The following ARHGEF10L variants were observed in gnomAD, a reference collection of about 807,000 sequenced individuals.
ARHGEF10L encodes the protein Rho guanine nucleotide exchange factor 10 like.
In ARHGEF10L, 69 loss-of-function variants were observed where a neutral mutation model predicts 141.2. That is an observed-to-expected ratio of 0.49 (90% CI 0.40 to 0.60). The LOEUF (loss-of-function observed/expected upper bound fraction) is 0.60, where lower values mean the gene tolerates loss of function less well. Among genes scored for constraint, ARHGEF10L ranks in the 20% least tolerant of loss-of-function variants. The pLI is 0.00. For missense variants in ARHGEF10L, 1,482 were observed against 1,734.3 expected (o/e 0.85, Z 2.58); for synonymous variants, 711 against 718.5 (o/e 0.99, Z 0.17).
At chr1:17,587,350 C>A in intron 2 of ARHGEF10L, 110 bp from the exon 3 acceptor site, 1 of 1,116,344 alleles carries the variant, frequency 9.0e-7, no homozygotes, top group African/African-American at 1.6e-5. Flanking sequence ...TTCCCTGGCT[C>A]AGACCTGAGG....
intron 9 of ARHGEF10L, chr1:17,618,354 A>T: frequency 6.5e-7 from 1 of 1,539,922 alleles, no homozygotes; most frequent in East Asian, 2.6e-5. Flanking sequence ...CAGGCCAAGA[A>T]TGTTACCCAG....
chr1:17,549,389 T>A (rs2077031260), intron 1 of ARHGEF10L, among the ~76,000 whole-genome samples: 1 of 152,096 alleles, frequency 6.6e-6, no homozygotes, highest in Non-Finnish European at 1.5e-5. Context: ...AGTAACCACA[T>A]GTTATGCATT....
chr1:17,658,296 A>G (rs1368633568), intron 25 of ARHGEF10L, among the ~76,000 whole-genome samples: 2 of 152,218 alleles, frequency 1.3e-5, no homozygotes, highest in Non-Finnish European at 2.9e-5. Context: ...TGGGACCTCA[A>G]CATACAGATG....
At chr1:17,630,518 G>C (rs2060620517) in intron 15 of ARHGEF10L, among the ~76,000 whole-genome samples, 1 of 152,208 alleles carries the variant, frequency 6.6e-6, no homozygotes. Flanking sequence ...CAGCTGTGGG[G>C]GACCCCAAGT....
chr1:17,661,789 C>G (rs2062645636), intron 25 of ARHGEF10L, among the ~76,000 whole-genome samples: 1 of 152,254 alleles, frequency 6.6e-6, no homozygotes, highest in South Asian at 2.1e-4. Flanking sequence ...TTTCTTGGCT[C>G]CAGCCTCCTG....
At chr1:17,633,338 CTT>C (rs1557880958) in intron 16 of ARHGEF10L, among the ~76,000 whole-genome samples, 1 of 152,102 alleles carries the variant, frequency 6.6e-6, no homozygotes, top group East Asian at 1.9e-4. Flanking sequence ...TTTGACAAGA[CTT>C]TATTTTATTT....
At chr1:17,584,180 G>GTGTATGCT (rs747496289) in intron 2 of ARHGEF10L, among the ~76,000 whole-genome samples, 200 of 152,148 alleles carry the variant, frequency 1.3e-3, no homozygotes, top group Middle Eastern at 3.4e-3. Context: ...AAGTAGCTGG[G>GTGTATGCT]ACTACAGGTG....
chr1:17,563,510 C>T (rs904461922), intron 1 of ARHGEF10L, among the ~76,000 whole-genome samples: 1 of 152,198 alleles, frequency 6.6e-6, no homozygotes, highest in African/African-American at 2.4e-5. Context: ...GCTGGAGTTA[C>T]AGGCATGAGC....
At position 17,634,901 on chromosome 1, in the gene ARHGEF10L, G is replaced by C; in HGVS notation, c.1812G>C (p.Ala604=). The change falls in exon 18 of 29, where the codon GCG becomes GCC. Residue 604 remains alanine (A), a synonymous_variant. Coordinates refer to ENST00000361221, the MANE Select transcript of ARHGEF10L (RefSeq NM_018125.4). ...GPKYVVKWNT[A]LPQVQVVEVG... is the part of the protein sequence containing the mutation. Reference sequence around the variant, plus strand: ...AGTATGTGGTGAAGTGGAACACGGCGCTGCCCCAGGTGCAGGTGGTGGAGG... The same window carrying C: ...AGTATGTGGTGAAGTGGAACACGGCCCTGCCCCAGGTGCAGGTGGTGGAGG... The C allele has an allele frequency of 6.2e-7, 1 of 1,614,086 alleles. No homozygotes were observed. Among genetic ancestry groups the C allele is most frequent in the African/African-American group, 1.3e-5 (1 of 75,030 alleles).
chr1:17,603,410 C>G lies in ARHGEF10L; in HGVS notation c.350-98C>G, dbSNP rs552727040. ...TGGGCTATCAGAAAGGAGGGTGCTG[C>G]GTGCCACCAGCTGGTGCAGTCCTGA... is the stretch of plus-strand genomic sequence containing the variant. On this transcript the variant is annotated intron_variant, in intron 5 of 28. Transcript: ENST00000361221. The surrounding 1 kb of genome is among the most constrained non-coding windows in gnomAD (Gnocchi z 4.8). 1 of 882,168 alleles carries G rather than the reference C, an allele frequency of 1.1e-6. No individual in the cohort carries two copies. Among genetic ancestry groups the G allele is most frequent in the Admixed American group, 2.4e-5 (1 of 42,070 alleles). The allele number at this position is 882,168 out of a possible 1,614,324, so 54.6% of individuals were successfully genotyped here.
chr1:17,582,953 A>G (rs531477554), intron 2 of ARHGEF10L, among the ~76,000 whole-genome samples: 1 of 152,150 alleles, frequency 6.6e-6, no homozygotes, highest in African/African-American at 2.4e-5. Flanking sequence ...CAGGCCAGGC[A>G]CAGTGGCTCA....
chr1:17,682,533 C>A (rs546375790), intron 26 of ARHGEF10L, among the ~76,000 whole-genome samples: 1 of 152,188 alleles, frequency 6.6e-6, no homozygotes, highest in Non-Finnish European at 1.5e-5. Flanking sequence ...CTTTTCTATG[C>A]GGATGTGACT....
chr1:17,564,306 G>A (rs148812457), intron 1 of ARHGEF10L, among the ~76,000 whole-genome samples: 2,825 of 152,314 alleles, frequency 0.019, 38 homozygotes, highest in Middle Eastern at 0.034. Flanking sequence ...TTAGGGCTGG[G>A]ACCCAGAGAG....
chr1:17,606,025 C>T (rs375486941), intron 6 of ARHGEF10L, among the ~76,000 whole-genome samples: 1 of 152,212 alleles, frequency 6.6e-6, no homozygotes, highest in Admixed American at 6.5e-5. Context: ...CAACCTCTCG[C>T]ACCCCACCTT....
chr1:17,530,017 G>C, the ARHGEF10L span, among the ~76,000 whole-genome samples: 30 of 151,828 alleles, frequency 2.0e-4, no homozygotes, highest in Admixed American at 1.6e-3. Flanking sequence ...ATTTTTAGTA[G>C]AGATGGGGTT....
chr1:17,595,866 T>C (rs1356184788), intron 4 of ARHGEF10L, among the ~76,000 whole-genome samples: 2 of 152,142 alleles, frequency 1.3e-5, no homozygotes, highest in East Asian at 1.9e-4. Flanking sequence ...TTTACAGATA[T>C]GGAAACTGAG....
chr1:17,602,517 A>G (rs2080790465), intron 5 of ARHGEF10L, among the ~76,000 whole-genome samples: 1 of 152,224 alleles, frequency 6.6e-6, no homozygotes, highest in Non-Finnish European at 1.5e-5. Flanking sequence ...TAACAGAACC[A>G]GACACCTTGC....
chr1:17,677,876 C>T (rs375503159), intron 26 of ARHGEF10L, among the ~76,000 whole-genome samples: 32 of 152,132 alleles, frequency 2.1e-4, no homozygotes, highest in African/African-American at 7.7e-4. Flanking sequence ...TCCCAGGCCA[C>T]GGTGAATGTC....
chr1:17,514,665 A>AT, the ARHGEF10L span, among the ~76,000 whole-genome samples: 2 of 152,264 alleles, frequency 1.3e-5, no homozygotes, highest in South Asian at 2.1e-4. Context: ...TCATCTGGGA[A>AT]TTTTCAATCA....
Sources: allele counts gnomAD v4.1 joint callset (sites outside exome capture counted in the v4.1 genomes callset), GRCh38; gene constraint gnomAD v4.1.1; non-coding constraint Gnocchi (gnomAD v3.1); transcripts MANE v1.5; gene names NCBI Gene and HGNC (gene_info 2026-07-23, HGNC 2026-07-21).